Variants in SIAH3 observed in about 807,000 individuals in gnomAD.
SIAH3 encodes seven in absentia homolog 3.
SIAH3 carries 9 observed loss-of-function variants against 12.6 expected under a neutral mutation model. That is an observed-to-expected ratio of 0.72 (90% CI 0.43 to 1.25). The LOEUF (loss-of-function observed/expected upper bound fraction) is 1.25. Ranked by LOEUF, SIAH3 falls within the 50% of genes most tolerant of loss-of-function variation. The pLI is 0.00. For missense variants in SIAH3, 390 were observed against 365.4 expected (o/e 1.07, Z -0.55); for synonymous variants, 154 against 151.1 (o/e 1.02, Z -0.14).
intron 1 of SIAH3, among the ~76,000 whole-genome samples, chr13:45,842,556 C>T (rs1950743845): frequency 6.6e-6 from 1 of 152,066 alleles, no homozygotes; most frequent in African/African-American, 2.4e-5. Flanking sequence ...ACTATGTTGC[C>T]CAGGCTGGTC....
intron 1 of SIAH3, among the ~76,000 whole-genome samples, chr13:45,786,410 C>T (rs1019887203): frequency 2.6e-5 from 4 of 152,184 alleles, no homozygotes; most frequent in Non-Finnish European, 5.9e-5. Context: ...GAGATTGAGT[C>T]ACTTGCCAAA....
At chr13:45,840,073 C>T (rs1002906917) in intron 1 of SIAH3, among the ~76,000 whole-genome samples, 1 of 152,166 alleles carries the variant, frequency 6.6e-6, no homozygotes, top group Admixed American at 6.5e-5. Flanking sequence ...GCCTGGCCAA[C>T]ATGGTGAAAC....
At chr13:45,846,886 A>T (rs1950762180) in intron 1 of SIAH3, among the ~76,000 whole-genome samples, 1 of 152,218 alleles carries the variant, frequency 6.6e-6, no homozygotes, top group Non-Finnish European at 1.5e-5. Flanking sequence ...TATGTGACTC[A>T]GGAGCCTCAT....
intron 1 of SIAH3, among the ~76,000 whole-genome samples, chr13:45,819,172 G>A (rs372953794): frequency 3.9e-5 from 6 of 152,310 alleles, no homozygotes; most frequent in South Asian, 4.1e-4. Flanking sequence ...GAAAGTCAAA[G>A]GAGCCTGATC....
chr13:45,787,577 T>C (rs1033532538), intron 1 of SIAH3, among the ~76,000 whole-genome samples: 4 of 152,164 alleles, frequency 2.6e-5, no homozygotes, highest in Admixed American at 6.5e-5. Flanking sequence ...GCAAAGGACC[T>C]GCTGACAGGG....
Position 45,828,299 on chromosome 13 carries a change from G to A in SIAH3, c.135+23196C>T, listed in dbSNP as rs182649103. Among the ~76,000 whole-genome samples, 76 of 152,268 alleles carry A rather than the reference G, an allele frequency of 5.0e-4. 1 individual carries two copies. The Middle Eastern group carries it at 0.01, about 20-fold the overall frequency. On this transcript the variant is annotated intron_variant, in intron 1 of 1. Coordinates refer to ENST00000400405, the MANE Select transcript of SIAH3 (RefSeq NM_198849.3). Reference sequence around the variant, plus strand: ...CGTGGCTGAAGTTCATGGTCCTGATGCCTCATTTAGAGATGAACTAGCTAA... The same window carrying A: ...CGTGGCTGAAGTTCATGGTCCTGATACCTCATTTAGAGATGAACTAGCTAA...
chr13:45,850,058 T>C (rs1243313050), intron 1 of SIAH3, among the ~76,000 whole-genome samples: 3 of 152,126 alleles, frequency 2.0e-5, no homozygotes, highest in South Asian at 2.1e-4. Flanking sequence ...AAAAAAGAAA[T>C]AGTGGAATGA....
intron 1 of SIAH3, among the ~76,000 whole-genome samples, chr13:45,831,936 C>G (rs531967785): frequency 6.6e-6 from 1 of 152,310 alleles, no homozygotes; most frequent in South Asian, 2.1e-4. Flanking sequence ...TCCTTGAGAG[C>G]ATACAGCCAG....
At chr13:45,804,824 G>T (rs1218079214) in intron 1 of SIAH3, among the ~76,000 whole-genome samples, 2 of 151,802 alleles carry the variant, frequency 1.3e-5, no homozygotes, top group Non-Finnish European at 2.9e-5. Context: ...AACCCTAAAG[G>T]CTCCACCAAA....
chr13:45,785,113 C>T (rs1225003508), intron 1 of SIAH3, among the ~76,000 whole-genome samples: 2 of 152,162 alleles, frequency 1.3e-5, no homozygotes, highest in Middle Eastern at 3.2e-3. Context: ...ATCTTCACGC[C>T]CCCTGACTCT....
intron 1 of SIAH3, among the ~76,000 whole-genome samples, chr13:45,825,517 G>T (rs867144310): frequency 1.4e-4 from 21 of 152,126 alleles, no homozygotes; most frequent in African/African-American, 4.6e-4. Context: ...TGTCACCTTG[G>T]AGGGAGTGAC....
At chr13:45,842,415 C>G (rs1239079522) in intron 1 of SIAH3, among the ~76,000 whole-genome samples, 1 of 152,156 alleles carries the variant, frequency 6.6e-6, no homozygotes, top group Non-Finnish European at 1.5e-5. Flanking sequence ...GCAGTCATGG[C>G]TCACCACAGC....
chr13:45,798,339 A>G (rs900473632), intron 1 of SIAH3, among the ~76,000 whole-genome samples: 1 of 152,228 alleles, frequency 6.6e-6, no homozygotes, highest in Non-Finnish European at 1.5e-5. Flanking sequence ...CATTCAATCA[A>G]TCACGCAACG....
intron 1 of SIAH3, among the ~76,000 whole-genome samples, chr13:45,846,086 T>TC (rs1950759114): frequency 7.4e-6 from 1 of 134,438 alleles, no homozygotes; most frequent in Non-Finnish European, 1.6e-5. Context: ...CCTAACTTCT[T>TC]TTTTTTTTTT....
Position 45,783,736 on chromosome 13 carries a change from G to C in SIAH3, c.457C>G (p.Pro153Ala). 1 of 1,614,198 alleles carries C rather than the reference G, an allele frequency of 6.2e-7. No homozygotes were observed. Reference sequence around the variant, plus strand: ...GAGTGCATGATGATCCAATCAGCCGGCGCGGGGAGGTGCATGTCCGTGGCC... The same window carrying C: ...GAGTGCATGATGATCCAATCAGCCGCCGCGGGGAGGTGCATGTCCGTGGCC... ...FLATDMHLPA[P>A]ADWIIMHSCL... is the part of the protein sequence containing the mutation. The change falls in exon 2 of 2, where the codon CCG becomes GCG. Residue 153 changes from proline to alanine, a missense_variant. Coordinates refer to ENST00000400405, the MANE Select transcript of SIAH3 (RefSeq NM_198849.3).
rs1275864022 is a variant in SIAH3 at position 45,783,483 on chromosome 13, A to G, written c.710T>C (p.Leu237Pro). The G allele has an allele frequency of 1.2e-6, 2 of 1,614,148 alleles. No homozygotes were observed. The highest frequency in any genetic ancestry group is 1.7e-6 in the Non-Finnish European group (2 of 1,180,020). Residue 237 changes from leucine (L) to proline (P), a missense_variant, in exon 2 of 2, where the codon CTC becomes CCC. Transcript: ENST00000400405. ...SVITDGDCLV[L>P]NTSLAQLFSD... is the part of the protein sequence containing the mutation. The stretch of plus-strand genomic sequence containing the variant: ...GAAGAGCTGTGCCAGCGAGGTGTTG[A>G]GGACGAGGCAGTCCCCGTCCGTAAT...
chr13:45,829,869 G>A (rs1050555840), intron 1 of SIAH3, among the ~76,000 whole-genome samples: 1 of 152,058 alleles, frequency 6.6e-6, no homozygotes, highest in African/African-American at 2.4e-5. Flanking sequence ...TGGGTTCGAG[G>A]CCATGATGAA....
At chr13:45,808,985 G>A (rs982965518) in intron 1 of SIAH3, among the ~76,000 whole-genome samples, 3 of 152,132 alleles carry the variant, frequency 2.0e-5, no homozygotes, top group Non-Finnish European at 4.4e-5. Flanking sequence ...CTCCATTTTC[G>A]CCTTCGGCAG....
chr13:45,813,247 G>C (rs1364827324), intron 1 of SIAH3, among the ~76,000 whole-genome samples: 1 of 152,236 alleles, frequency 6.6e-6, no homozygotes, highest in Non-Finnish European at 1.5e-5. Context: ...TATCAGTACT[G>C]AGTCCTGGCA....
Sources: gnomAD v4.1 joint callset for allele counts (sites outside exome capture counted in the v4.1 genomes callset) on GRCh38, gnomAD v4.1.1 for gene constraint, MANE v1.5 for transcripts, NCBI Gene and HGNC (gene_info 2026-07-23, HGNC 2026-07-21) for gene names.